Variants in RAB11FIP5 observed in about 807,000 individuals in gnomAD.
RAB11FIP5 encodes rab11 family-interacting protein 5.
A neutral mutation model predicts 85.1 loss-of-function variants in RAB11FIP5; 48 were observed. The ratio of observed to expected loss-of-function variants is 0.56; its 90% CI spans 0.45 to 0.72. RAB11FIP5 has a LOEUF of 0.72. Among genes scored for constraint, RAB11FIP5 ranks in the 30% least tolerant of loss-of-function variants. The pLI is 0.00. For missense variants in RAB11FIP5, 1,491 were observed against 1,687.0 expected (o/e 0.88, Z 2.04); for synonymous variants, 729 against 727.3 (o/e 1.00, Z -0.04).
At position 73,080,544 on chromosome 2, in the gene RAB11FIP5, C is replaced by T; in HGVS notation, c.2688G>A (p.Gln896=). ...GTGGCTTGGGAGGTGGGGTGCTGGG[C>T]TGCAGCCCCTTGTCAGACACCCACT... ...KPEWVSDKGL[Q]PSTPPPKPPR... The change falls in exon 4 of 6, where the codon CAG becomes CAA. Residue 896 remains glutamine (Q), a synonymous_variant. Transcript: ENST00000486777. 8.1e-7 allele frequency: 1 copy of T among 1,232,620 alleles called. No individual in the cohort carries two copies. The highest frequency in any genetic ancestry group is 4.2e-5 in the Admixed American group (1 of 23,726). The allele number at this position is 1,232,620 out of a possible 1,614,324, so 76.4% of individuals were successfully genotyped here.
rs1165886898 is a variant in RAB11FIP5, at chr2:73,080,692, G to A, written c.2540C>T (p.Ala847Val). The part of the protein sequence containing the change: ...VVTISPAAET[A>V]SLVFRGESDE... ...AGACTCTCCCCGAAAGACTAGTGAG[G>A]CTGTCTCAGCTGCAGGAGAAATGGT... The change falls in exon 4 of 6, where the codon GCC becomes GTC. Residue 847 changes from alanine (A) to valine (V), a missense_variant. Ala to Val is a moderately conservative substitution (Grantham distance 64). Around this residue, in one of 3 missense-constraint regions of RAB11FIP5, gnomAD observed 1,211 missense variants for 1,338.0 expected, o/e 0.91. Coordinates refer to ENST00000486777, the MANE Select transcript of RAB11FIP5 (RefSeq NM_001371272.1). 4.4e-5 allele frequency: 54 copies of A among 1,232,402 alleles called. No homozygotes were observed. The highest frequency in any genetic ancestry group is 5.3e-5 in the Non-Finnish European group (52 of 988,092). The allele number at this position is 1,232,402 out of a possible 1,614,324, so 76.3% of individuals were successfully genotyped here. A position where few individuals can be genotyped will look rare whatever the true frequency, so the allele number is the denominator to read the frequency against.
At chr2:73,105,955 A>C (rs1684517974) in intron 1 of RAB11FIP5, among the ~76,000 whole-genome samples, 1 of 152,156 alleles carries the variant, frequency 6.6e-6, no homozygotes, top group African/African-American at 2.4e-5. Flanking sequence ...CACTTTGGGA[A>C]GCTGAGGCAA....
chr2:73,079,960 TGAATA>T lies in RAB11FIP5; in HGVS notation c.3267_3271del (p.Ile1090PhefsTer13). On this transcript the variant is annotated frameshift_variant, in exon 4 of 6. Transcript: ENST00000486777. LOFTEE classifies it high-confidence loss of function. The stretch of plus-strand genomic sequence containing the variant: ...AGTGGGCAGCTCTTCTGGACCAGAA[TGAATA>T]GAAGATTCCCTCGACCCTGGCGGGG... The T allele has an allele frequency of 8.1e-7, 1 of 1,232,142 alleles. No individual in the cohort carries two copies. Among genetic ancestry groups the T allele is most frequent in the Non-Finnish European group, 1.0e-6 (1 of 988,008 alleles). The allele number at this position is 1,232,142 out of a possible 1,614,324, so 76.3% of individuals were successfully genotyped here. A position where few individuals can be genotyped will look rare whatever the true frequency, so the allele number is the denominator to read the frequency against.
At chr2:73,100,256 G>T (rs1024332491) in intron 1 of RAB11FIP5, among the ~76,000 whole-genome samples, 1 of 152,106 alleles carries the variant, frequency 6.6e-6, no homozygotes, top group Non-Finnish European at 1.5e-5. Context: ...GATTTCTACC[G>T]CGGGACAGTG....
chr2:73,089,603 G>A lies in RAB11FIP5; in HGVS notation c.432-288C>T. 2.0e-6 allele frequency: 1 copy of A among 489,676 alleles called. No homozygotes were observed. Among genetic ancestry groups the A allele is most frequent in the Non-Finnish European group, 3.8e-6 (1 of 265,762 alleles). The allele number at this position is 489,676 out of a possible 1,614,324, so 30.3% of individuals were successfully genotyped here. On this transcript the variant is annotated intron_variant, in intron 1 of 5. Coordinates refer to ENST00000486777, the MANE Select transcript of RAB11FIP5 (RefSeq NM_001371272.1). The surrounding 1 kb of genome is among the most constrained non-coding windows in gnomAD (Gnocchi z 4.6). The stretch of plus-strand genomic sequence containing the variant: ...CACACCATGCCTCCTCCCACCCCAG[G>A]ACCTTCTCCTGGTGCTCAGAGACCT...
At chr2:73,084,869 A>G (rs1349824080) in intron 3 of RAB11FIP5, among the ~76,000 whole-genome samples, 4 of 152,252 alleles carry the variant, frequency 2.6e-5, no homozygotes, top group African/African-American at 9.6e-5. Flanking sequence ...ACTGCCCTTC[A>G]GCCTTCCATC....
chr2:73,078,575 T>C lies in RAB11FIP5; in HGVS notation c.3581+1076A>G, dbSNP rs932718163. Among the ~76,000 whole-genome samples the C allele has an allele frequency of 2.0e-5, 3 of 152,200 alleles. No individual in the cohort carries two copies. Among genetic ancestry groups the C allele is most frequent in the Admixed American group, 1.3e-4 (2 of 15,284 alleles). On this transcript the variant is annotated intron_variant, in intron 4 of 5. Transcript: ENST00000486777. The surrounding 1 kb of genome is among the most constrained non-coding windows in gnomAD (Gnocchi z 4.4). ...TGTAGTTCTGGCCCCTTGGGGTTTC[T>C]TCCCTTCTTGGGTCCACTTTATCTT...
chr2:73,103,030 C>T (rs1240135809), intron 1 of RAB11FIP5, among the ~76,000 whole-genome samples: 1 of 152,202 alleles, frequency 6.6e-6, no homozygotes, highest in Non-Finnish European at 1.5e-5. Flanking sequence ...TCTCCAAGTG[C>T]CCACCACAGC....
intron 1 of RAB11FIP5, among the ~76,000 whole-genome samples, chr2:73,108,355 C>A (rs1471166349): frequency 6.6e-6 from 1 of 152,192 alleles, no homozygotes; most frequent in Non-Finnish European, 1.5e-5. Context: ...ACACTCCAGG[C>A]CTTACCGCAG....
intron 1 of RAB11FIP5, among the ~76,000 whole-genome samples, chr2:73,091,916 C>T (rs1235910386): frequency 1.3e-5 from 2 of 152,142 alleles, no homozygotes; most frequent in Non-Finnish European, 2.9e-5. Flanking sequence ...GCAGGGCGGA[C>T]AGAGAAAATG....
Position 73,089,088 on chromosome 2 carries a change from G to C in RAB11FIP5, c.659C>G (p.Pro220Arg). ...AILPSSAIEDPDLGSLGKMGK... is the reference protein window; with the variant it reads ...AILPSSAIEDRDLGSLGKMGK... ...CATCTTGCCCAGGCTGCCCAGGTCA[G>C]GATCCTCTATGGCGCTGCTTGGGAG... Residue 220 changes from proline (P) to arginine (R), a missense_variant, in exon 2 of 6, where the codon CCT becomes CGT. Physicochemically the swap from Pro to Arg is moderately radical, Grantham distance 103 (BLOSUM62 -2). This residue lies in a region of RAB11FIP5 where 1,211 missense variants were observed against 1,338.0 expected (regional missense o/e 0.91). Coordinates refer to ENST00000486777, the MANE Select transcript of RAB11FIP5 (RefSeq NM_001371272.1). The surrounding 1 kb of genome is among the most constrained non-coding windows in gnomAD (Gnocchi z 4.6). 6.2e-7 allele frequency: 1 copy of C among 1,614,236 alleles called. No homozygotes were observed. Among genetic ancestry groups the C allele is most frequent in the East Asian group, 2.2e-5 (1 of 44,882 alleles).
chr2:73,090,353 A>G (rs1266333310), intron 1 of RAB11FIP5, among the ~76,000 whole-genome samples: 2 of 152,192 alleles, frequency 1.3e-5, no homozygotes, highest in Admixed American at 1.3e-4. Context: ...TTCTTAGAGA[A>G]CTAAGCAAAC....
In RAB11FIP5 at chr2:73,102,620, T is replaced by C. The variant is rs1019869275; in HGVS notation, c.431+9727A>G. On this transcript the variant is annotated intron_variant, in intron 1 of 5. Transcript: ENST00000486777. ...ATGGCAGAGCCACTCCACTCTGATCTCTCACTACTGTTGGCAGCAGGGACA... is the reference window on the plus strand; with the variant it reads ...ATGGCAGAGCCACTCCACTCTGATCCCTCACTACTGTTGGCAGCAGGGACA... Among the ~76,000 whole-genome samples, 6 of 152,136 alleles carry C rather than the reference T, an allele frequency of 3.9e-5. No individual in the cohort carries two copies. The East Asian group carries it at 1.2e-3, about 29-fold the overall frequency.
In RAB11FIP5 at chr2:73,112,486, A is replaced by G; in HGVS notation, c.292T>C (p.Trp98Arg). The change falls in exon 1 of 6, where the codon TGG becomes CGG. Residue 98 changes from tryptophan to arginine, a missense_variant. Trp to Arg is a moderately radical substitution (Grantham distance 101). Coordinates refer to ENST00000486777, the MANE Select transcript of RAB11FIP5 (RefSeq NM_001371272.1). ...AQEADAGPAP[W>R]AASSAAACEL... ...CAGGCGGCGGCGGAGCTCGCGGCCC[A>G]GGGCGCCGGGCCCGCGTCGGCCTCC... 1 of 1,486,934 alleles carries G rather than the reference A, an allele frequency of 6.7e-7. No homozygotes were observed. The highest frequency in any genetic ancestry group is 8.9e-7 in the Non-Finnish European group (1 of 1,123,486). The allele number at this position is 1,486,934 out of a possible 1,614,324, so 92.1% of individuals were successfully genotyped here.
chr2:73,108,429 T>C (rs1209694215), intron 1 of RAB11FIP5, among the ~76,000 whole-genome samples: 2 of 152,186 alleles, frequency 1.3e-5, no homozygotes, highest in Non-Finnish European at 2.9e-5. Context: ...AACACAGTTG[T>C]GCTCTCTCCT....
rs1046139 is a variant in RAB11FIP5, at chr2:73,073,533, A to T, written c.*1988T>A. ...CTGCAACTTTCCTCCAAGTGTGGCTAGGAGAAGAAACATCAACAAGGACCC... is the reference window on the plus strand; with the variant it reads ...CTGCAACTTTCCTCCAAGTGTGGCTTGGAGAAGAAACATCAACAAGGACCC... On this transcript the variant is annotated 3_prime_UTR_variant, in exon 6 of 6. Transcript: ENST00000486777. The T allele has an allele frequency of 5.2e-5, 8 of 152,562 alleles. No individual in the cohort carries two copies. The East Asian group carries it at 1.5e-3, about 29-fold the overall frequency. The allele number at this position is 152,562 out of a possible 1,614,324, so 9.5% of individuals were successfully genotyped here. A position where few individuals can be genotyped will look rare whatever the true frequency, so the allele number is the denominator to read the frequency against.
rs1336602885 is a variant in RAB11FIP5, at chr2:73,080,607, G to A, written c.2625C>T (p.Ser875=). 7 of 1,232,190 alleles carry A rather than the reference G, an allele frequency of 5.7e-6. No individual in the cohort carries two copies. The highest frequency in any genetic ancestry group is 6.1e-6 in the Non-Finnish European group (6 of 988,058). 76.3% of individuals were successfully genotyped at this position (1,232,190 alleles called of 1,614,324 possible). Residue 875 remains serine (S), a synonymous_variant, in exon 4 of 6, where the codon AGC becomes AGT. Coordinates refer to ENST00000486777, the MANE Select transcript of RAB11FIP5 (RefSeq NM_001371272.1). The part of the protein sequence containing the change: ...ESPETVSPKG[S]EGLPPPEPEP... ...CGGGCTCCGGTGGGGGAAGCCCCTCGCTCCCCTTGGGGCTCACAGTTTCTG... is the reference window on the plus strand; with the variant it reads ...CGGGCTCCGGTGGGGGAAGCCCCTCACTCCCCTTGGGGCTCACAGTTTCTG...
chr2:73,090,313 G>A (rs1360483056), intron 1 of RAB11FIP5, among the ~76,000 whole-genome samples: 1 of 152,220 alleles, frequency 6.6e-6, no homozygotes, highest in Non-Finnish European at 1.5e-5. Context: ...CCCTACTGGG[G>A]AGAGATGTTC....
chr2:73,097,125 A>AC (rs1440957213), intron 1 of RAB11FIP5, among the ~76,000 whole-genome samples: 1 of 151,750 alleles, frequency 6.6e-6, no homozygotes, highest in Non-Finnish European at 1.5e-5. Flanking sequence ...TGCAACCTCC[A>AC]CCCCCAGGTC....
Sources: allele counts gnomAD v4.1 joint callset (sites outside exome capture counted in the v4.1 genomes callset), GRCh38; gene constraint gnomAD v4.1.1; regional missense constraint gnomAD v4.1.1; non-coding constraint Gnocchi (gnomAD v3.1); transcripts MANE v1.5; gene names NCBI Gene and HGNC (gene_info 2026-07-23, HGNC 2026-07-21).